Variants in NT5C1A observed in about 807,000 individuals in gnomAD.
The protein encoded by NT5C1A is 5'-nucleotidase, cytosolic IA, also known as cytosolic 5'-nucleotidase 1A.
In NT5C1A, 18 loss-of-function variants were observed where a neutral mutation model predicts 31.0. The observed-to-expected ratio is 0.58, with a 90% confidence interval of 0.40 to 0.86. The LOEUF is 0.86. Among genes scored for constraint, NT5C1A ranks in the 40% least tolerant of loss-of-function variants. The pLI, the probability that NT5C1A is intolerant of heterozygous loss-of-function variation, is 0.00. For missense variants in NT5C1A, 470 were observed against 505.4 expected, an observed-to-expected ratio of 0.93 and a Z score of 0.67; for synonymous variants, 185 against 203.6, an observed-to-expected ratio of 0.91 and a Z score of 0.78.
intron 3 of NT5C1A, among the ~76,000 whole-genome samples, chr1:39,664,090 C>T (rs1447059385): frequency 1.3e-5 from 2 of 152,134 alleles, no homozygotes; most frequent in African/African-American, 2.4e-5. Flanking sequence ...GCCAACTAGA[C>T]TCTCTTGGTT....
chr1:39,665,477 G>C lies in NT5C1A; in HGVS notation c.433+44C>G, dbSNP rs753151961. 9 of 1,568,088 alleles carry C rather than the reference G, an allele frequency of 5.7e-6. No homozygotes were observed. The East Asian group carries it at 1.8e-4, about 32-fold the overall frequency. Reference sequence around the variant, plus strand: ...GGCCCCATCCCTGGGGGGTCTGGTAGGGGTGTCCCAGGGCAAACCCCCCAT... The same window carrying C: ...GGCCCCATCCCTGGGGGGTCTGGTACGGGTGTCCCAGGGCAAACCCCCCAT... On this transcript the variant is annotated intron_variant, in intron 3 of 5. Coordinates refer to ENST00000235628, the MANE Select transcript of NT5C1A (RefSeq NM_032526.3).
In NT5C1A at chr1:39,669,800, C is replaced by T. The variant is rs11206573; in HGVS notation, c.135+2104G>A. Among the ~76,000 whole-genome samples the T allele has an allele frequency of 5.4e-3, 820 of 152,344 alleles. 6 individuals carry two copies. Among genetic ancestry groups the T allele is most frequent in the African/African-American group, 0.018 (744 of 41,584 alleles). ...AGCATTGACATTCATCCAGCTTCCT[C>T]TTCAGAGAGGCACCAGCCTTCTCAC... is the stretch of plus-strand genomic sequence containing the variant. On this transcript the variant is annotated intron_variant, in intron 1 of 5. Transcript: ENST00000235628.
At position 39,654,252 on chromosome 1, in the gene NT5C1A, G is replaced by A. The variant is rs1008604126; in HGVS notation, c.*4869C>T. Among the ~76,000 whole-genome samples, 6 of 152,196 alleles carry A rather than the reference G, an allele frequency of 3.9e-5. No homozygotes were observed. The highest frequency in any genetic ancestry group is 7.3e-5 in the Non-Finnish European group (5 of 68,040). ...GAAACTGCCATTCCAGCTGTTACAG[G>A]AGTTTTCTCTCTCACTTGATCAGTA... On this transcript the variant is annotated 3_prime_UTR_variant, in exon 6 of 6. Transcript: ENST00000235628.
chr1:39,669,255 A>G (rs1646538177), intron 1 of NT5C1A, among the ~76,000 whole-genome samples: 1 of 150,604 alleles, frequency 6.6e-6, no homozygotes, highest in South Asian at 2.1e-4. Flanking sequence ...GCCCACCCCC[A>G]CCTGGACTTC....
chr1:39,655,858 T>C lies in NT5C1A; in HGVS notation c.*3263A>G, dbSNP rs1292137494. On this transcript the variant is annotated 3_prime_UTR_variant, in exon 6 of 6. Transcript: ENST00000235628. ...CAGCGCAGCATTATCTACCAACTGC[T>C]ATGGAGGTATTTCAAGTTTTAGTCA... Among the ~76,000 whole-genome samples, 1 of 152,082 alleles carries C rather than the reference T, an allele frequency of 6.6e-6. No individual in the cohort carries two copies. The highest frequency in any genetic ancestry group is 1.5e-5 in the Non-Finnish European group (1 of 68,006).
At position 39,658,698 on chromosome 1, in the gene NT5C1A, G is replaced by A. The variant is rs940658774; in HGVS notation, c.*423C>T. ...ATGGGGAAACTGGGGGCCATGAAGG[G>A]GAGGGATTACTCAAAGTCATGCAGT... On this transcript the variant is annotated 3_prime_UTR_variant, in exon 6 of 6. Coordinates refer to ENST00000235628, the MANE Select transcript of NT5C1A (RefSeq NM_032526.3). Among the ~76,000 whole-genome samples, 4 of 152,158 alleles carry A rather than the reference G, an allele frequency of 2.6e-5. No homozygotes were observed. The highest frequency in any genetic ancestry group is 9.7e-5 in the African/African-American group (4 of 41,424).
Position 39,652,268 on chromosome 1 carries a change from G to A in NT5C1A, c.*6853C>T, listed in dbSNP as rs1646436912. Reference sequence around the variant, plus strand: ...GGGCCGGATCTCGCCTACAGAATATGTTTTATTTGGCCCAGATGGTGTTTT... The same window carrying A: ...GGGCCGGATCTCGCCTACAGAATATATTTTATTTGGCCCAGATGGTGTTTT... On this transcript the variant is annotated 3_prime_UTR_variant, in exon 6 of 6. Coordinates refer to ENST00000235628, the MANE Select transcript of NT5C1A (RefSeq NM_032526.3). 6.6e-6 allele frequency among the ~76,000 whole-genome samples: 1 copy of A among 152,054 alleles called. No homozygotes were observed. The highest frequency in any genetic ancestry group is 2.1e-4 in the South Asian group (1 of 4,820).
chr1:39,663,538 G>A (rs936508494), intron 3 of NT5C1A, 104 bp from the exon 4 acceptor site: 17 of 1,176,238 alleles, frequency 1.4e-5, no homozygotes, highest in South Asian at 1.3e-4. Flanking sequence ...GGTGTGGTAC[G>A]GCAGCACAGC....
chr1:39,660,539 G>T (rs906064528), intron 5 of NT5C1A, among the ~76,000 whole-genome samples: 7 of 152,122 alleles, frequency 4.6e-5, no homozygotes, highest in African/African-American at 1.7e-4. Context: ...CACCCAGCTG[G>T]ATCTCCCTAC....
intron 1 of NT5C1A, among the ~76,000 whole-genome samples, chr1:39,669,127 G>T (rs951423232): frequency 6.6e-6 from 1 of 152,196 alleles, no homozygotes; most frequent in Non-Finnish European, 1.5e-5. Context: ...GTGACTCAAG[G>T]GCTCACTCTG....
chr1:39,665,756 G>A (rs1443912575), intron 2 of NT5C1A, 106 bp from the exon 3 acceptor site: 10 of 1,163,050 alleles, frequency 8.6e-6, no homozygotes, highest in Non-Finnish European at 1.1e-5. Flanking sequence ...CTTGGGATGA[G>A]ATAAGTGCAC....
intron 1 of NT5C1A, among the ~76,000 whole-genome samples, 191 bp downstream of exon 1, chr1:39,671,713 G>A (rs1646553197): frequency 6.6e-6 from 1 of 152,036 alleles, no homozygotes; most frequent in Admixed American, 6.5e-5. Context: ...CCCGAGTCCC[G>A]GTAAAAAAAT....
rs900373483 is a variant in NT5C1A, at chr1:39,651,740, A to T, written c.*7381T>A. ...ATGTGCGCTATTACATTAATAAAGA[A>T]GTTCGTAGGCCGAGTGTGGTGGCTC... On this transcript the variant is annotated 3_prime_UTR_variant, in exon 6 of 6. Coordinates refer to ENST00000235628, the MANE Select transcript of NT5C1A (RefSeq NM_032526.3). Among the ~76,000 whole-genome samples the T allele has an allele frequency of 6.6e-6, 1 of 152,126 alleles. No homozygotes were observed. The highest frequency in any genetic ancestry group is 2.4e-5 in the African/African-American group (1 of 41,430).
intron 1 of NT5C1A, among the ~76,000 whole-genome samples, chr1:39,668,067 A>T (rs1570462357): frequency 6.6e-6 from 1 of 152,244 alleles, no homozygotes; most frequent in Admixed American, 6.5e-5. Context: ...CAGTGGCAGG[A>T]CAGGTGCTTC....
rs1570453330 is a variant in NT5C1A at position 39,653,587 on chromosome 1, G to A, written c.*5534C>T. ...TTCCAGAGCACCTGAAGTCCTTTTT[G>A]GCTGGCTAGAGCTAACCGTGGGGAG... On this transcript the variant is annotated 3_prime_UTR_variant, in exon 6 of 6. Coordinates refer to ENST00000235628, the MANE Select transcript of NT5C1A (RefSeq NM_032526.3). Among the ~76,000 whole-genome samples the A allele has an allele frequency of 2.0e-5, 3 of 152,198 alleles. No individual in the cohort carries two copies. The highest frequency in any genetic ancestry group is 2.0e-4 in the Admixed American group (3 of 15,298).
Position 39,659,103 on chromosome 1 carries a change from G to A in NT5C1A, c.*18C>T, listed in dbSNP as rs1235506564. The A allele has an allele frequency of 7.6e-6, 12 of 1,569,542 alleles. No individual in the cohort carries two copies. The highest frequency in any genetic ancestry group is 4.4e-4 in the Middle Eastern group (2 of 4,522). ...AGGGAGCCTGGAGCAATGTGGATCAGTAAAGCCGGTGGTTCAGCTACTGTG... is the reference window on the plus strand; with the variant it reads ...AGGGAGCCTGGAGCAATGTGGATCAATAAAGCCGGTGGTTCAGCTACTGTG... On this transcript the variant is annotated 3_prime_UTR_variant, in exon 6 of 6. Transcript: ENST00000235628.
In NT5C1A at chr1:39,658,872, C is replaced by G. The variant is rs1447746440; in HGVS notation, c.*249G>C. Among the ~76,000 whole-genome samples, 2 of 152,192 alleles carry G rather than the reference C, an allele frequency of 1.3e-5. No homozygotes were observed. The highest frequency in any genetic ancestry group is 3.8e-4 in the East Asian group (2 of 5,198). On this transcript the variant is annotated 3_prime_UTR_variant, in exon 6 of 6. Transcript: ENST00000235628. Reference sequence around the variant, plus strand: ...CCTCTCAGACCCATTAACTTCCCCCCTGAAATCCAGCTACTCTGCACAGTC... The same window carrying G: ...CCTCTCAGACCCATTAACTTCCCCCGTGAAATCCAGCTACTCTGCACAGTC...
chr1:39,668,721 A>C (rs1427842924), intron 1 of NT5C1A, among the ~76,000 whole-genome samples: 1 of 152,118 alleles, frequency 6.6e-6, no homozygotes, highest in Non-Finnish European at 1.5e-5. Context: ...TTCACTTTCC[A>C]GATTTGGGAG....
chr1:39,659,420 G>A lies in NT5C1A; in HGVS notation c.808C>T (p.Arg270Trp), dbSNP rs756357555. ...LQKKFYSKGL[R>W]LECPIRTYLV... ...TAGGTACGAATTGGGCACTCCAGCC[G>A]CAGGCCTTTGGAGTAGAACTTCTTC... Residue 270 changes from arginine to tryptophan, a missense_variant, in exon 6 of 6, where the codon CGG becomes TGG. Coordinates refer to ENST00000235628, the MANE Select transcript of NT5C1A (RefSeq NM_032526.3). 29 of 1,612,360 alleles carry A rather than the reference G, an allele frequency of 1.8e-5. No individual in the cohort carries two copies. The highest frequency in any genetic ancestry group is 1.2e-4 in the South Asian group (11 of 90,950).
Sources: gnomAD v4.1 joint callset for allele counts (sites outside exome capture counted in the v4.1 genomes callset) on GRCh38, gnomAD v4.1.1 for gene constraint, MANE v1.5 for transcripts, NCBI Gene and HGNC (gene_info 2026-07-23, HGNC 2026-07-21) for gene names.